Variants in FSHR observed in about 807,000 individuals in gnomAD.
The protein encoded by FSHR is follicle stimulating hormone receptor.
FSHR carries 46 observed loss-of-function variants against 52.1 expected under a neutral mutation model. The ratio of observed to expected loss-of-function variants is 0.88; its 90% CI spans 0.70 to 1.13. The LOEUF is 1.13. Among genes scored for constraint, FSHR ranks in the 50% most tolerant of loss-of-function variants. The pLI, the probability that FSHR is intolerant of heterozygous loss-of-function variation, is 0.00. For synonymous variants in FSHR, 399 were observed against 309.6 expected (o/e 1.29, Z -3.03); for missense variants, 964 against 834.6 (o/e 1.16, Z -1.91).
At chr2:49,130,055 A>G (rs1037562153) in intron 1 of FSHR, among the ~76,000 whole-genome samples, 14 of 152,200 alleles carry the variant, frequency 9.2e-5, no homozygotes, top group Non-Finnish European at 2.1e-4. Context: ...CTTTAAATGG[A>G]TATGATAAAT....
At chr2:49,125,040 G>T (rs1407518557) in intron 1 of FSHR, among the ~76,000 whole-genome samples, 1 of 152,154 alleles carries the variant, frequency 6.6e-6, no homozygotes, top group Non-Finnish European at 1.5e-5. Flanking sequence ...CACTGCTCTT[G>T]CTTGTTTGTC....
At chr2:49,115,201 G>A (rs991309498) in intron 1 of FSHR, among the ~76,000 whole-genome samples, 5 of 151,204 alleles carry the variant, frequency 3.3e-5, no homozygotes, top group South Asian at 2.1e-4. Flanking sequence ...TGGAGGCACC[G>A]GAGCAGAGAG....
intron 1 of FSHR, among the ~76,000 whole-genome samples, chr2:49,150,893 G>A (rs1180567977): frequency 1.3e-5 from 2 of 151,834 alleles, no homozygotes; most frequent in Admixed American, 1.3e-4. Context: ...TGGCCAGTAA[G>A]CTAAAAATCT....
intron 4 of FSHR, among the ~76,000 whole-genome samples, chr2:48,996,793 A>C (rs1676042487): frequency 2.6e-5 from 4 of 152,106 alleles, no homozygotes; most frequent in Admixed American, 2.6e-4. Flanking sequence ...AATAATGCAA[A>C]AGTGTTTCAC....
At chr2:49,079,493 G>A (rs951545164) in intron 1 of FSHR, among the ~76,000 whole-genome samples, 1 of 152,020 alleles carries the variant, frequency 6.6e-6, no homozygotes, top group East Asian at 1.9e-4. Context: ...CAGGAAATAT[G>A]ATTTTTCTAA....
At chr2:48,986,629 A>T (rs1425533203) in intron 6 of FSHR, among the ~76,000 whole-genome samples, 3 of 152,338 alleles carry the variant, frequency 2.0e-5, no homozygotes, top group Admixed American at 1.3e-4. Flanking sequence ...TCTTAAAAGA[A>T]AACTCCTTTC....
At chr2:49,149,800 G>C (rs772987669) in intron 1 of FSHR, among the ~76,000 whole-genome samples, 1 of 151,978 alleles carries the variant, frequency 6.6e-6, no homozygotes, top group African/African-American at 2.4e-5. Flanking sequence ...AAGAGGAAAA[G>C]ATAATTTGAT....
intron 1 of FSHR, among the ~76,000 whole-genome samples, chr2:49,153,399 A>G (rs1572636172): frequency 6.6e-6 from 1 of 151,746 alleles, no homozygotes; most frequent in African/African-American, 2.4e-5. Context: ...CTGTTGCTCT[A>G]ATGGAGTCAG....
At chr2:49,100,033 A>C (rs896591285) in intron 1 of FSHR, among the ~76,000 whole-genome samples, 4 of 152,158 alleles carry the variant, frequency 2.6e-5, no homozygotes, top group Non-Finnish European at 5.9e-5. Context: ...AATAATGGTA[A>C]TAGCTCACTT....
chr2:49,054,955 T>C (rs915163492), intron 2 of FSHR, among the ~76,000 whole-genome samples: 1 of 151,900 alleles, frequency 6.6e-6, no homozygotes, highest in African/African-American at 2.4e-5. Flanking sequence ...TAAAAATCAA[T>C]GTAGGGATAC....
chr2:49,092,865 C>T (rs1239716059), intron 1 of FSHR, among the ~76,000 whole-genome samples: 1 of 152,048 alleles, frequency 6.6e-6, no homozygotes, highest in African/African-American at 2.4e-5. Context: ...GGGGTTTCAC[C>T]ATGTTGGGCA....
intron 1 of FSHR, among the ~76,000 whole-genome samples, chr2:49,101,856 T>G (rs907734040): frequency 4.6e-5 from 7 of 152,248 alleles, no homozygotes; most frequent in Admixed American, 2.6e-4. Flanking sequence ...GTGGGGACTC[T>G]GTAGAGTCCG....
At chr2:49,137,182 A>G (rs1300499807) in intron 1 of FSHR, among the ~76,000 whole-genome samples, 4 of 152,148 alleles carry the variant, frequency 2.6e-5, no homozygotes, top group African/African-American at 9.6e-5. Flanking sequence ...AAATCAATAT[A>G]CCAAAATCAA....
intron 1 of FSHR, among the ~76,000 whole-genome samples, chr2:49,135,774 G>T (rs1054531700): frequency 1.3e-5 from 2 of 152,098 alleles, no homozygotes; most frequent in African/African-American, 2.4e-5. Flanking sequence ...TATGTGTATT[G>T]TATACTGTAT....
intron 6 of FSHR, among the ~76,000 whole-genome samples, chr2:48,987,448 G>C (rs915633974): frequency 4.0e-5 from 6 of 151,842 alleles, no homozygotes; most frequent in Admixed American, 1.3e-4. Flanking sequence ...CTGACCTCGT[G>C]ATCTGCCTGC....
At chr2:49,123,950 A>T (rs1171844507) in intron 1 of FSHR, among the ~76,000 whole-genome samples, 1 of 151,536 alleles carries the variant, frequency 6.6e-6, no homozygotes, top group African/African-American at 2.4e-5. Context: ...GCTATTACTG[A>T]GGTATAATGT....
At chr2:49,013,124 C>T (rs1244982065) in intron 4 of FSHR, among the ~76,000 whole-genome samples, 2 of 150,748 alleles carry the variant, frequency 1.3e-5, no homozygotes, top group African/African-American at 2.4e-5. Flanking sequence ...TCTATCTTCC[C>T]CCCCCACCCC....
chr2:49,102,795 C>A (rs1271873478), intron 1 of FSHR, among the ~76,000 whole-genome samples: 1 of 151,952 alleles, frequency 6.6e-6, no homozygotes, highest in Non-Finnish European at 1.5e-5. Flanking sequence ...TTCTTTAATT[C>A]CAACATGTAA....
At chr2:49,072,181 T>C (rs1182226292) in intron 1 of FSHR, among the ~76,000 whole-genome samples, 1 of 152,100 alleles carries the variant, frequency 6.6e-6, no homozygotes, top group Non-Finnish European at 1.5e-5. Flanking sequence ...TCTCCCCCAA[T>C]ACACATAGAC....
Sources: gnomAD v4.1 joint callset for allele counts (sites outside exome capture counted in the v4.1 genomes callset) on GRCh38, gnomAD v4.1.1 for gene constraint, MANE v1.5 for transcripts, NCBI Gene and HGNC (gene_info 2026-07-23, HGNC 2026-07-21) for gene names.